The following TSG101 variants were observed in gnomAD, a reference collection of about 807,000 sequenced individuals.
The protein encoded by TSG101 is tumor susceptibility gene 101 protein.
A neutral mutation model predicts 48.5 loss-of-function variants in TSG101; 19 were observed. That is an observed-to-expected ratio of 0.39 (90% CI 0.27 to 0.58). TSG101 has a LOEUF of 0.58. Among genes scored for constraint, TSG101 ranks in the 20% least tolerant of loss-of-function variants. The pLI, the probability that TSG101 is intolerant of heterozygous loss-of-function variation, is 0.55. For synonymous variants in TSG101, 174 were observed against 169.4 expected (o/e 1.03, Z -0.21); for missense variants, 365 against 484.4 (o/e 0.75, Z 2.31).
At chr11:18,509,689 G>T in intron 4 of TSG101, 24 bp from the exon 5 acceptor site, 2 of 1,568,940 alleles carry the variant, frequency 1.3e-6, no homozygotes, top group Non-Finnish European at 1.7e-6. Context: ...AAAAATTCAA[G>T]TCAGCTACAG....
At chr11:18,512,626 AG>A (rs1303354666) in intron 4 of TSG101, among the ~76,000 whole-genome samples, 3 of 151,836 alleles carry the variant, frequency 2.0e-5, no homozygotes, top group African/African-American at 7.3e-5. Flanking sequence ...AAAATTATAG[AG>A]AGTCTATATA....
intron 7 of TSG101, chr11:18,490,842 C>T (rs1012800163): frequency 1.8e-5 from 10 of 545,906 alleles, no homozygotes; most frequent in African/African-American, 9.6e-5. Flanking sequence ...TTTCTCTCTT[C>T]GTTGGAGTAT....
intron 7 of TSG101, among the ~76,000 whole-genome samples, chr11:18,489,680 T>G (rs962049791): frequency 6.6e-6 from 1 of 152,214 alleles, no homozygotes. Flanking sequence ...ACTGTGGACA[T>G]CTGTGGTCAT....
chr11:18,496,470 A>C (rs201256675), intron 7 of TSG101, among the ~76,000 whole-genome samples: 1,948 of 138,970 alleles, frequency 0.014, 32 homozygotes, highest in East Asian at 0.06. Flanking sequence ...AATAAAATAA[A>C]ATAAAATAAA....
At chr11:18,525,172 G>C (rs1425513139) in intron 1 of TSG101, among the ~76,000 whole-genome samples, 2 of 152,160 alleles carry the variant, frequency 1.3e-5, no homozygotes, top group Non-Finnish European at 2.9e-5. Flanking sequence ...GCCTCCCAAA[G>C]TGCTAGGATT....
chr11:18,504,200 CAAAAAAA>C (rs933198352), intron 6 of TSG101, among the ~76,000 whole-genome samples: 8 of 43,338 alleles, frequency 1.8e-4, no homozygotes, highest in Non-Finnish European at 4.0e-4. Flanking sequence ...GCCCCCATCT[CAAAAAAA>C]AAAAAAAAAA....
At chr11:18,490,316 G>A (rs1254118450) in intron 7 of TSG101, 7 of 590,206 alleles carry the variant, frequency 1.2e-5, no homozygotes, top group Non-Finnish European at 2.3e-5. Context: ...GTAATTGCAT[G>A]ATCAGAGTGC....
rs1422930656 is a variant in TSG101, at chr11:18,502,468, GT to G, written c.640+17del. ...ACTTTGCTTATATGGTGAAACACAA[GT>G]TTTCAAGGGTACTTACCAACAGTGG... On this transcript the variant is annotated intron_variant, in intron 7 of 9. Transcript: ENST00000251968. 31 of 1,602,622 alleles carry G rather than the reference GT, an allele frequency of 1.9e-5. 1 individual carries two copies. Among genetic ancestry groups the G allele is most frequent in the Non-Finnish European group, 2.5e-5 (29 of 1,172,388 alleles).
chr11:18,526,848 G>T lies in TSG101; in HGVS notation c.-32C>A. ...CGCCTGGCGACTCCCTTCCCCGCAG[G>T]CAGAGGGTCAGCCGCTGCTGGGCTG... is the stretch of plus-strand genomic sequence containing the variant. On this transcript the variant is annotated 5_prime_UTR_variant, in exon 1 of 10. Transcript: ENST00000251968. 6.3e-7 allele frequency: 1 copy of T among 1,594,918 alleles called. No homozygotes were observed. The highest frequency in any genetic ancestry group is 8.5e-7 in the Non-Finnish European group (1 of 1,176,814).
At chr11:18,514,937 T>C (rs1850146793) in intron 3 of TSG101, 96 bp from the exon 4 acceptor site, 1 of 1,160,728 alleles carries the variant, frequency 8.6e-7, no homozygotes, top group Non-Finnish European at 1.2e-6. Context: ...ATACAATTTA[T>C]ACATATATCC....
chr11:18,482,531 T>C (rs542377833), intron 8 of TSG101, among the ~76,000 whole-genome samples: 9 of 152,192 alleles, frequency 5.9e-5, no homozygotes, highest in Non-Finnish European at 1.3e-4. Context: ...TTCTCCCTCA[T>C]GGGGATGAAA....
At chr11:18,512,645 C>G (rs1002794951) in intron 4 of TSG101, among the ~76,000 whole-genome samples, 1 of 151,614 alleles carries the variant, frequency 6.6e-6, no homozygotes, top group Non-Finnish European at 1.5e-5. Flanking sequence ...ATATTATCTT[C>G]TTCCAGCAAG....
chr11:18,487,381 G>C lies in TSG101; in HGVS notation c.641-3309C>G, dbSNP rs533683319. Among the ~76,000 whole-genome samples the C allele has an allele frequency of 5.3e-5, 8 of 152,010 alleles. No individual in the cohort carries two copies. The East Asian group carries it at 9.6e-4, about 18-fold the overall frequency. On this transcript the variant is annotated intron_variant, in intron 7 of 9. Coordinates refer to ENST00000251968, the MANE Select transcript of TSG101 (RefSeq NM_006292.4). ...TGGACTTGCTTTGGTTTCCATTTTT[G>C]GCAGGGAGGGGAAAACTGATTTATA...
chr11:18,517,443 A>T (rs1850197841), intron 2 of TSG101, among the ~76,000 whole-genome samples: 1 of 152,226 alleles, frequency 6.6e-6, no homozygotes, highest in Non-Finnish European at 1.5e-5. Flanking sequence ...ATTTGGAATT[A>T]ACACTATACC....
At chr11:18,506,991 G>C in intron 5 of TSG101, 68 bp from the exon 6 acceptor site, 3 of 1,297,920 alleles carry the variant, frequency 2.3e-6, no homozygotes, top group Non-Finnish European at 1.1e-6. Context: ...TACTGAATAA[G>C]ATATACATCA....
At chr11:18,507,965 G>C (rs1850002483) in intron 5 of TSG101, 1 of 151,906 alleles carries the variant, frequency 6.6e-6, no homozygotes, top group Non-Finnish European at 1.5e-5. Context: ...ATGGTGGTGG[G>C]GGCCTGTAAT....
chr11:18,481,248 T>G (rs995984710), intron 9 of TSG101: 1 of 979,214 alleles, frequency 1.0e-6, no homozygotes, highest in East Asian at 1.1e-4. Flanking sequence ...TAAAGTTATA[T>G]AACTCTAAGA....
chr11:18,515,523 A>G (rs1850156375), intron 3 of TSG101, among the ~76,000 whole-genome samples: 1 of 152,230 alleles, frequency 6.6e-6, no homozygotes, highest in African/African-American at 2.4e-5. Context: ...ATCTATCATT[A>G]GCATTATCAC....
chr11:18,494,704 A>G (rs976935681), intron 7 of TSG101, among the ~76,000 whole-genome samples: 4 of 152,202 alleles, frequency 2.6e-5, no homozygotes, highest in Admixed American at 2.0e-4. Flanking sequence ...AGTCTGTGAA[A>G]GGTGTGGGGA....
Sources: allele counts gnomAD v4.1 joint callset (sites outside exome capture counted in the v4.1 genomes callset), GRCh38; gene constraint gnomAD v4.1.1; transcripts MANE v1.5; gene names NCBI Gene and HGNC (gene_info 2026-07-23, HGNC 2026-07-21).